ARL13B: variants seen among roughly 807,000 people sequenced by gnomAD.
ARL13B encodes the protein ADP-ribosylation factor-like protein 13B.
ARL13B carries 36 observed loss-of-function variants against 56.1 expected under a neutral mutation model. The observed-to-expected ratio is 0.64, with a 90% CI of 0.49 to 0.85. The LOEUF is 0.85. Among genes scored for constraint, ARL13B ranks in the 40% least tolerant of loss-of-function variants. The probability of loss-of-function intolerance (pLI) is 0.00; values close to 1 mark genes in which losing one functional copy is unlikely to be tolerated. For synonymous variants in ARL13B, 178 were observed against 171.1 expected, an observed-to-expected ratio of 1.04 and a Z score of -0.32; for missense variants, 519 against 507.1, an observed-to-expected ratio of 1.02 and a Z score of -0.23.
At chr3:94,038,515 CTTTTTTTTTTT>C (rs761909057) in intron 5 of ARL13B, among the ~76,000 whole-genome samples, 6 of 54,468 alleles carry the variant, frequency 1.1e-4, no homozygotes, top group African/African-American at 5.2e-4. Context: ...TCTGGCTGCT[CTTTTTTTTTTT>C]TTTTTTTTTT....
intron 3 of ARL13B, among the ~76,000 whole-genome samples, chr3:94,031,081 A>G (rs1485815886): frequency 6.6e-6 from 1 of 152,142 alleles, no homozygotes; most frequent in Non-Finnish European, 1.5e-5. Context: ...AGTCCCAGCT[A>G]CTTGAGAGGC....
At chr3:93,986,408 T>G (rs926808221) in intron 1 of ARL13B, among the ~76,000 whole-genome samples, 7 of 152,058 alleles carry the variant, frequency 4.6e-5, no homozygotes, top group Admixed American at 3.9e-4. Flanking sequence ...AATCACACTG[T>G]TTTTTCGATA....
chr3:94,055,178 AG>A lies in ARL13B; in HGVS notation c.*1917del, dbSNP rs1179489187. 2.7e-6 allele frequency: 1 copy of A among 366,874 alleles called. No homozygotes were observed. Among genetic ancestry groups the A allele is most frequent in the Non-Finnish European group, 5.2e-6 (1 of 190,952 alleles). The allele number at this position is 366,874 out of a possible 1,614,324, so 22.7% of individuals were successfully genotyped here. On this transcript the variant is annotated 3_prime_UTR_variant, in exon 10 of 10. Transcript: ENST00000394222. ...ATTTTAAAAAATGTTTTGTAAATCC[AG>A]GTGTATTTTAACAATTAAATGCCTA...
At chr3:94,013,989 T>A (rs1417674063) in intron 3 of ARL13B, among the ~76,000 whole-genome samples, 1 of 152,170 alleles carries the variant, frequency 6.6e-6, no homozygotes, top group Non-Finnish European at 1.5e-5. Flanking sequence ...TGGTTTAGCT[T>A]TATTGTAGCA....
chr3:93,983,687 A>T (rs896903698), intron 1 of ARL13B, among the ~76,000 whole-genome samples: 4 of 151,926 alleles, frequency 2.6e-5, no homozygotes, highest in African/African-American at 9.7e-5. Context: ...TACTAGGAAG[A>T]TTAACTTTTT....
intron 1 of ARL13B, among the ~76,000 whole-genome samples, chr3:93,984,962 G>T (rs1710376987): frequency 6.6e-6 from 1 of 152,100 alleles, no homozygotes; most frequent in South Asian, 2.1e-4. Flanking sequence ...GTAAGCCCAG[G>T]TTGCCCCACT....
intron 7 of ARL13B, among the ~76,000 whole-genome samples, chr3:94,049,047 T>C (rs184877789): frequency 9.0e-4 from 137 of 152,354 alleles, no homozygotes; most frequent in Non-Finnish European, 1.7e-3. Flanking sequence ...GACACAATAA[T>C]GAATAGCTTC....
chr3:94,001,667 G>A (rs2076057474), intron 2 of ARL13B, among the ~76,000 whole-genome samples: 1 of 152,132 alleles, frequency 6.6e-6, no homozygotes, highest in Non-Finnish European at 1.5e-5. Flanking sequence ...TTTGAGGACA[G>A]CAATCATATC....
chr3:94,014,430 G>A (rs2076283963), intron 3 of ARL13B: 2 of 1,587,574 alleles, frequency 1.3e-6, no homozygotes. Flanking sequence ...ACAGTACTCT[G>A]CAAGGATTTC....
At chr3:93,992,274 G>T in intron 1 of ARL13B, among the ~76,000 whole-genome samples, 1 of 152,116 alleles carries the variant, frequency 6.6e-6, no homozygotes, top group East Asian at 1.9e-4. Flanking sequence ...TCATGAAAAG[G>T]TGGATCAGGG....
chr3:93,985,883 T>TA (rs1251569068), intron 1 of ARL13B, among the ~76,000 whole-genome samples: 1 of 152,196 alleles, frequency 6.6e-6, no homozygotes, highest in African/African-American at 2.4e-5. Context: ...AAGTCTAAAA[T>TA]AAGATACAGT....
intron 3 of ARL13B, among the ~76,000 whole-genome samples, chr3:94,018,207 A>G (rs1205317756): frequency 7.4e-6 from 1 of 135,344 alleles, no homozygotes; most frequent in Non-Finnish European, 1.5e-5. Flanking sequence ...CCTGATTTAT[A>G]TTTTTAAAAG....
intron 1 of ARL13B, among the ~76,000 whole-genome samples, chr3:93,987,052 C>G (rs907125515): frequency 2.6e-5 from 4 of 152,066 alleles, no homozygotes; most frequent in Admixed American, 6.6e-5. Flanking sequence ...GAAGTTTAGA[C>G]TTGTAGGTGT....
intron 7 of ARL13B, among the ~76,000 whole-genome samples, chr3:94,046,326 A>C (rs2076984042): frequency 6.6e-6 from 1 of 152,070 alleles, no homozygotes; most frequent in South Asian, 2.1e-4. Context: ...GATCTGCTTT[A>C]TATCATTTAT....
chr3:94,027,693 TAC>T (rs987993284), intron 3 of ARL13B, among the ~76,000 whole-genome samples: 1 of 152,104 alleles, frequency 6.6e-6, no homozygotes, highest in African/African-American at 2.4e-5. Context: ...CTAACCTATC[TAC>T]ATATGTTGTA....
chr3:93,992,680 A>C (rs1430840609), intron 1 of ARL13B, among the ~76,000 whole-genome samples: 1 of 152,200 alleles, frequency 6.6e-6, no homozygotes, highest in Non-Finnish European at 1.5e-5. Context: ...AGATCTTGAA[A>C]TGCATTGTAT....
chr3:94,016,230 G>A (rs1404804169), intron 3 of ARL13B, among the ~76,000 whole-genome samples: 1 of 152,040 alleles, frequency 6.6e-6, no homozygotes, highest in Admixed American at 6.6e-5. Context: ...CATTTTTGAA[G>A]ATAAGAAGAG....
At chr3:93,995,443 AT>A (rs2075950173) in intron 1 of ARL13B, among the ~76,000 whole-genome samples, 1 of 152,122 alleles carries the variant, frequency 6.6e-6, no homozygotes, top group African/African-American at 2.4e-5. Context: ...ATAAATTTAT[AT>A]TTGGTAAGAT....
chr3:94,034,465 T>TTCCATTTTGTTGGTG (rs2076732641), intron 3 of ARL13B, among the ~76,000 whole-genome samples: 1 of 152,056 alleles, frequency 6.6e-6, no homozygotes, highest in South Asian at 2.1e-4. Flanking sequence ...TATATTGGTT[T>TTCCATTTTGTTGGTG]TCCATTTTGT....
Sources: allele counts gnomAD v4.1 joint callset (sites outside exome capture counted in the v4.1 genomes callset), GRCh38; gene constraint gnomAD v4.1.1; transcripts MANE v1.5; gene names NCBI Gene and HGNC (gene_info 2026-07-23, HGNC 2026-07-21).